The following USP24 variants were observed in gnomAD, a reference collection of about 807,000 sequenced individuals.
USP24 encodes the protein ubiquitin specific peptidase 24, also known as ubiquitin carboxyl-terminal hydrolase 24.
Under a neutral mutation model 361.6 loss-of-function variants are expected in USP24, and 97 were observed. The ratio of observed to expected loss-of-function variants is 0.27; its 90% CI spans 0.23 to 0.32. The LOEUF is 0.32. Ranked by LOEUF, USP24 falls within the 10% of genes least tolerant of loss-of-function variation. The probability of loss-of-function intolerance (pLI) is 1.00; values close to 1 mark genes in which losing one functional copy is unlikely to be tolerated. For missense variants in USP24, 2,353 were observed against 3,165.6 expected, an observed-to-expected ratio of 0.74 and a Z score of 6.16; for synonymous variants, 1,098 against 1,124.6, an observed-to-expected ratio of 0.98 and a Z score of 0.47.
chr1:55,201,952 AG>A (rs2100922899), intron 1 of USP24, among the ~76,000 whole-genome samples: 1 of 152,314 alleles, frequency 6.6e-6, no homozygotes, highest in Admixed American at 6.5e-5. Context: ...ATCAAGTGCA[AG>A]GATCAAATTG....
In USP24 at chr1:55,162,272, A is replaced by C; in HGVS notation, c.928-8T>G. ...AATCAGTGCTGAGACAGCCTGGAAA[A>C]AGACAGTGAAGATTAAAAATACATT... On this transcript the variant is annotated splice_region_variant and splice_polypyrimidine_tract_variant and intron_variant, in intron 7 of 67. Transcript: ENST00000294383. 6.5e-7 allele frequency: 1 copy of C among 1,547,552 alleles called. No homozygotes were observed. The highest frequency in any genetic ancestry group is 8.7e-7 in the Non-Finnish European group (1 of 1,151,776).
chr1:55,203,092 A>G (rs1236903940), intron 1 of USP24, among the ~76,000 whole-genome samples: 1 of 152,198 alleles, frequency 6.6e-6, no homozygotes, highest in Non-Finnish European at 1.5e-5. Context: ...ACAGGTATGT[A>G]TATATAGGAA....
intron 1 of USP24, among the ~76,000 whole-genome samples, chr1:55,207,008 A>G (rs1644724789): frequency 6.6e-6 from 1 of 152,082 alleles, no homozygotes; most frequent in Non-Finnish European, 1.5e-5. Flanking sequence ...ATCTACAAAA[A>G]AGAATACAAA....
chr1:55,077,088 A>G, intron 62 of USP24, 147 bp downstream of exon 62: 1 of 718,722 alleles, frequency 1.4e-6, no homozygotes. Context: ...AATGCATTAG[A>G]CACATGACTG....
At chr1:55,178,722 AATAAAT>A (rs1365830958) in intron 1 of USP24, among the ~76,000 whole-genome samples, 7 of 92,664 alleles carry the variant, frequency 7.6e-5, no homozygotes, top group African/African-American at 2.6e-4. Flanking sequence ...TAAATAAATA[AATAAAT>A]AAAAAGAACT....
Position 55,067,439 on chromosome 1 carries a change from C to T in USP24, c.*1606G>A, listed in dbSNP as rs1359483219. ...ACAGTTCTGCTCTTAAGTGCTGGCC[C>T]TTCCATCTTCTCAGTGTGTTTGACA... On this transcript the variant is annotated 3_prime_UTR_variant, in exon 68 of 68. Coordinates refer to ENST00000294383, the MANE Select transcript of USP24 (RefSeq NM_015306.3). 1 of 152,242 alleles carries T rather than the reference C, an allele frequency of 6.6e-6. No individual in the cohort carries two copies. Among genetic ancestry groups the T allele is most frequent in the African/African-American group, 2.4e-5 (1 of 41,456 alleles). 9.4% of individuals were successfully genotyped at this position (152,242 alleles called of 1,614,324 possible).
In USP24 at chr1:55,079,436, C is replaced by T. The variant is rs909988420; in HGVS notation, c.7200+102G>A. The T allele has an allele frequency of 2.6e-5, 37 of 1,424,762 alleles. 2 individuals are homozygous for T. Among genetic ancestry groups the T allele is most frequent in the South Asian group, 8.5e-5 (6 of 70,704 alleles). 88.3% of individuals were successfully genotyped at this position (1,424,762 alleles called of 1,614,324 possible). On this transcript the variant is annotated intron_variant, in intron 60 of 67. Coordinates refer to ENST00000294383, the MANE Select transcript of USP24 (RefSeq NM_015306.3). Reference sequence around the variant, plus strand: ...ATAAGAAAACTTAATTTGAAAGAACCATTTCTTAACAATACTCTTCATGCC... The same window carrying T: ...ATAAGAAAACTTAATTTGAAAGAACTATTTCTTAACAATACTCTTCATGCC...
intron 1 of USP24, among the ~76,000 whole-genome samples, chr1:55,207,237 T>A (rs1644733124): frequency 6.7e-6 from 1 of 148,572 alleles, no homozygotes; most frequent in Admixed American, 6.7e-5. Flanking sequence ...CAAAAAGCAA[T>A]TAATGTTCAA....
At chr1:55,106,284 C>G in intron 40 of USP24, 21 bp from the exon 41 acceptor site, 1 of 1,547,760 alleles carries the variant, frequency 6.5e-7, no homozygotes, top group Non-Finnish European at 8.9e-7. Flanking sequence ...GCATAATATT[C>G]ATGTTGAAGA....
chr1:55,092,685 A>T (rs1486598317), intron 53 of USP24, 136 bp downstream of exon 53: 2 of 633,062 alleles, frequency 3.2e-6, no homozygotes, highest in Non-Finnish European at 5.4e-6. Flanking sequence ...AATACGGGCT[A>T]CATTCACGGG....
At chr1:55,147,300 A>G (rs1647054548) in intron 18 of USP24, among the ~76,000 whole-genome samples, 1 of 152,216 alleles carries the variant, frequency 6.6e-6, no homozygotes, top group African/African-American at 2.4e-5. Flanking sequence ...ATGTAATTTC[A>G]GCAATCTCAA....
intron 38 of USP24, among the ~76,000 whole-genome samples, chr1:55,119,023 G>C (rs1451988793): frequency 6.6e-6 from 1 of 152,182 alleles, no homozygotes. Context: ...GTTCCACAAA[G>C]AAATCAAACA....
intron 1 of USP24, among the ~76,000 whole-genome samples, chr1:55,199,753 G>A (rs1295050490): frequency 6.6e-6 from 1 of 151,922 alleles, no homozygotes; most frequent in African/African-American, 2.4e-5. Context: ...ACTATAAATT[G>A]TTCAACATAA....
At chr1:55,107,107 A>G in intron 40 of USP24, 132 bp downstream of exon 40, 1 of 1,077,962 alleles carries the variant, frequency 9.3e-7, no homozygotes, top group Non-Finnish European at 1.3e-6. Context: ...ATAACGGACA[A>G]TTTCCTACTG....
chr1:55,186,111 T>C (rs1644123631), intron 1 of USP24, among the ~76,000 whole-genome samples: 2 of 152,248 alleles, frequency 1.3e-5, no homozygotes, highest in Non-Finnish European at 2.9e-5. Context: ...CAGTGAATTA[T>C]ACAAAACGTT....
chr1:55,126,849 T>C lies in USP24; in HGVS notation c.3636-1091A>G, dbSNP rs899847934. 3.3e-5 allele frequency among the ~76,000 whole-genome samples: 5 copies of C among 152,206 alleles called. No individual in the cohort carries two copies. The South Asian group carries it at 1.0e-3, about 32-fold the overall frequency. On this transcript the variant is annotated intron_variant, in intron 32 of 67. Transcript: ENST00000294383. ...CCTTCAACCATCCTCTGCTCATGCTTTGAGCTGGTGTCCATGCCTACCTCA... is the reference window on the plus strand; with the variant it reads ...CCTTCAACCATCCTCTGCTCATGCTCTGAGCTGGTGTCCATGCCTACCTCA...
Position 55,154,240 on chromosome 1 carries a change from A to G in USP24, c.1691T>C (p.Leu564Pro), listed in dbSNP as rs1459056860. 1.2e-6 allele frequency: 2 copies of G among 1,613,188 alleles called. No homozygotes were observed. Among genetic ancestry groups the G allele is most frequent in the African/African-American group, 2.7e-5 (2 of 74,910 alleles). ...GGCCTGCTGAATAAGGCTACTGGGC[A>G]GGGTTGGAAGGTGAGCCAGTTCCCA... ...VLWELAHLPT[L>P]PSSLIQQALE... Residue 564 changes from leucine to proline, a missense_variant, in exon 15 of 68, where the codon CTG becomes CCG. Transcript: ENST00000294383.
At chr1:55,132,803 A>G in intron 30 of USP24, 103 bp from the exon 31 acceptor site, 1 of 1,153,116 alleles carries the variant, frequency 8.7e-7, no homozygotes, top group Non-Finnish European at 1.2e-6. Context: ...CTTTAATATA[A>G]GCCACACCAA....
intron 3 of USP24, 116 bp from the exon 4 acceptor site, chr1:55,172,636 AG>A (rs990866177): frequency 2.6e-6 from 3 of 1,147,856 alleles, no homozygotes; most frequent in African/African-American, 1.6e-5. Context: ...TTTTTTATGT[AG>A]ATGATTGGCT....
Sources: allele counts gnomAD v4.1 joint callset (sites outside exome capture counted in the v4.1 genomes callset), GRCh38; gene constraint gnomAD v4.1.1; transcripts MANE v1.5; gene names NCBI Gene and HGNC (gene_info 2026-07-23, HGNC 2026-07-21).